Variants in FERMT2 observed in about 807,000 individuals in gnomAD.
FERMT2 encodes FERM domain containing kindlin 2, also known as fermitin family homolog 2.
A neutral mutation model predicts 82.7 loss-of-function variants in FERMT2; 15 were observed. That is an observed-to-expected ratio of 0.18 (90% confidence interval 0.12 to 0.28). The LOEUF (loss-of-function observed/expected upper bound fraction) is 0.28. Among genes scored for constraint, FERMT2 ranks in the 10% least tolerant of loss-of-function variants. The pLI, the probability that FERMT2 is intolerant of heterozygous loss-of-function variation, is 1.00. For missense variants in FERMT2, 645 were observed against 809.4 expected (o/e 0.80, Z 2.46); for synonymous variants, 274 against 271.5 (o/e 1.01, Z -0.09).
intron 3 of FERMT2, among the ~76,000 whole-genome samples, chr14:52,910,039 G>A (rs10133475): frequency 0.041 from 6,220 of 152,168 alleles, 428 homozygotes; most frequent in African/African-American, 0.14. Flanking sequence ...GCGACAGAGC[G>A]AGACTCCATC....
At chr14:52,912,624 C>T (rs1462254407) in intron 3 of FERMT2, among the ~76,000 whole-genome samples, 3 of 151,996 alleles carry the variant, frequency 2.0e-5, no homozygotes, top group African/African-American at 7.2e-5. Flanking sequence ...ATTCTCCTGC[C>T]TCAGCCTCTC....
At position 52,950,579 on chromosome 14, in the gene FERMT2, T is replaced by A. The variant is rs902954398; in HGVS notation, c.-9-2A>T. On this transcript the variant is annotated splice_acceptor_variant, in intron 1 of 14. Coordinates refer to ENST00000341590, the MANE Select transcript of FERMT2 (RefSeq NM_006832.3). LOFTEE classifies it low-confidence loss of function (5UTR_SPLICE). ...CCCGTCCAGAGCCATGGCTCCTTCC[T>A]GCGAGCGCGGAGGAAATGGCTCTCG... is the stretch of plus-strand genomic sequence containing the variant. 12 of 1,610,728 alleles carry A rather than the reference T, an allele frequency of 7.5e-6. No individual in the cohort carries two copies. The East Asian group carries it at 2.5e-4, about 33-fold the overall frequency.
At position 52,859,720 on chromosome 14, in the gene FERMT2, A is replaced by G. The variant is rs1474912014; in HGVS notation, c.1728-6T>C. 2 of 1,552,990 alleles carry G rather than the reference A, an allele frequency of 1.3e-6. No individual in the cohort carries two copies. Among genetic ancestry groups the G allele is most frequent in the Non-Finnish European group, 1.7e-6 (2 of 1,145,794 alleles). On this transcript the variant is annotated splice_region_variant and splice_polypyrimidine_tract_variant and intron_variant, in intron 13 of 14. Coordinates refer to ENST00000341590, the MANE Select transcript of FERMT2 (RefSeq NM_006832.3). ...CTTTTTTGCCCCCTTGGAACCTATA[A>G]CATTTAAGAAAAGAACGGTTAAAAA...
chr14:52,932,269 G>A (rs1370028425), intron 2 of FERMT2, among the ~76,000 whole-genome samples: 1 of 152,052 alleles, frequency 6.6e-6, no homozygotes, highest in Non-Finnish European at 1.5e-5. Context: ...AGCAAGTCTG[G>A]GTATGTTGAA....
chr14:52,875,369 ATTATT>A lies in FERMT2; in HGVS notation c.964-17_964-13del. On this transcript the variant is annotated splice_polypyrimidine_tract_variant and intron_variant, in intron 7 of 14. Coordinates refer to ENST00000341590, the MANE Select transcript of FERMT2 (RefSeq NM_006832.3). ...TTATTGATATGATACTGAAACCAGA[ATTATT>A]TTATTAAAATAATTGCTATAACTGT... 1 of 1,544,922 alleles carries A rather than the reference ATTATT, an allele frequency of 6.5e-7. No individual in the cohort carries two copies.
chr14:52,919,028 G>A, intron 3 of FERMT2, 95 bp downstream of exon 3: 1 of 797,320 alleles, frequency 1.3e-6, no homozygotes, highest in South Asian at 1.7e-5. Context: ...AGATAGTTCA[G>A]CCCATGCCCC....
At chr14:52,922,602 C>CTA (rs1889027417) in intron 2 of FERMT2, among the ~76,000 whole-genome samples, 1 of 152,064 alleles carries the variant, frequency 6.6e-6, no homozygotes, top group African/African-American at 2.4e-5. Context: ...AAGACACTAA[C>CTA]GTGATAAGGA....
rs1884687446 is a variant in FERMT2 at position 52,858,204 on chromosome 14, T to C, written c.*173A>G. ...TCAAGTTTATTATATCATAACATGATAGATTAATAGTCGTGCTTGTTTAGT... is the reference window on the plus strand; with the variant it reads ...TCAAGTTTATTATATCATAACATGACAGATTAATAGTCGTGCTTGTTTAGT... On this transcript the variant is annotated 3_prime_UTR_variant, in exon 15 of 15. Coordinates refer to ENST00000341590, the MANE Select transcript of FERMT2 (RefSeq NM_006832.3). 1.7e-6 allele frequency: 1 copy of C among 580,762 alleles called. No homozygotes were observed. The highest frequency in any genetic ancestry group is 2.4e-5 in the South Asian group (1 of 41,746). 36.0% of individuals were successfully genotyped at this position (580,762 alleles called of 1,614,324 possible).
chr14:52,894,443 A>G (rs548725005), intron 3 of FERMT2, among the ~76,000 whole-genome samples: 3 of 152,230 alleles, frequency 2.0e-5, no homozygotes, highest in Non-Finnish European at 2.9e-5. Context: ...TATGAAAATG[A>G]GAACAATCCT....
intron 10 of FERMT2, among the ~76,000 whole-genome samples, chr14:52,872,416 C>A (rs73302528): frequency 0.012 from 1,865 of 152,216 alleles, 35 homozygotes; most frequent in African/African-American, 0.042. Context: ...CACCTGTAAT[C>A]CCAGCTAGTG....
At chr14:52,921,459 T>C (rs1888952350) in intron 2 of FERMT2, among the ~76,000 whole-genome samples, 1 of 152,198 alleles carries the variant, frequency 6.6e-6, no homozygotes, top group African/African-American at 2.4e-5. Context: ...TACTTAATTG[T>C]ATATAGTACC....
At chr14:52,899,250 A>G (rs4901307) in intron 3 of FERMT2, among the ~76,000 whole-genome samples, 13,729 of 152,052 alleles carry the variant, frequency 0.09, 718 homozygotes, top group Middle Eastern at 0.15. Context: ...CTTGTTTTAT[A>G]TAAGTTCTGT....
chr14:52,907,259 G>T (rs1378849276), intron 3 of FERMT2, among the ~76,000 whole-genome samples: 1 of 152,044 alleles, frequency 6.6e-6, no homozygotes, highest in African/African-American at 2.4e-5. Context: ...GTGATCTTTG[G>T]CCTCCCAAAG....
chr14:52,892,179 T>G (rs1466623294), intron 4 of FERMT2, among the ~76,000 whole-genome samples: 3 of 150,112 alleles, frequency 2.0e-5, no homozygotes, highest in South Asian at 2.1e-4. Flanking sequence ...TTTTTTTTTT[T>G]TTTTTTTTGA....
At chr14:52,881,685 G>T (rs549904178) in intron 4 of FERMT2, 841 of 1,030,720 alleles carry the variant, frequency 8.2e-4, no homozygotes, top group Non-Finnish European at 1.1e-3. Flanking sequence ...ATATAATTAA[G>T]TTGGCAGAAA....
intron 4 of FERMT2, among the ~76,000 whole-genome samples, chr14:52,882,285 A>C (rs1438418777): frequency 6.6e-6 from 1 of 152,238 alleles, no homozygotes; most frequent in Non-Finnish European, 1.5e-5. Context: ...GGGGAGATAA[A>C]AGTCTGCCCT....
rs537981892 is a variant in FERMT2 at position 52,947,489 on chromosome 14, A to AAAAT, written c.157+2919_157+2922dup. Among the ~76,000 whole-genome samples, 814 of 152,268 alleles carry AAAAT rather than the reference A, an allele frequency of 5.3e-3. 4 individuals carry two copies. Among genetic ancestry groups the AAAAT allele is most frequent in the African/African-American group, 0.016 (671 of 41,536 alleles). On this transcript the variant is annotated intron_variant, in intron 2 of 14. Coordinates refer to ENST00000341590, the MANE Select transcript of FERMT2 (RefSeq NM_006832.3). ...GTGAGACTCCCGTCTCAAAAAGTAA[A>AAAAT]AAATAAATAAATAAATAAATAAATG...
intron 3 of FERMT2, among the ~76,000 whole-genome samples, chr14:52,913,224 C>T (rs867578537): frequency 2.6e-5 from 4 of 152,274 alleles, no homozygotes; most frequent in African/African-American, 7.2e-5. Flanking sequence ...GATATTTAAA[C>T]ATAAATGGGA....
At chr14:52,905,315 A>G (rs1036813867) in intron 3 of FERMT2, among the ~76,000 whole-genome samples, 2 of 152,206 alleles carry the variant, frequency 1.3e-5, no homozygotes, top group Non-Finnish European at 2.9e-5. Flanking sequence ...ACAGTAAACG[A>G]GTAGAAAGTG....
Sources: gnomAD v4.1 joint callset for allele counts (sites outside exome capture counted in the v4.1 genomes callset) on GRCh38, gnomAD v4.1.1 for gene constraint, MANE v1.5 for transcripts, NCBI Gene and HGNC (gene_info 2026-07-23, HGNC 2026-07-21) for gene names.